LINGO2: variants seen among roughly 807,000 people sequenced by gnomAD.
LINGO2 encodes leucine rich repeat and Ig domain containing 2.
In LINGO2, 14 loss-of-function variants were observed where a neutral mutation model predicts 30.6. The ratio of observed to expected loss-of-function variants is 0.46; its 90% CI spans 0.30 to 0.72. The LOEUF (loss-of-function observed/expected upper bound fraction) is 0.72, where lower values mean the gene tolerates loss of function less well. Among genes scored for constraint, LINGO2 ranks in the 30% least tolerant of loss-of-function variants. The pLI is 0.07. For synonymous variants in LINGO2, 317 were observed against 288.5 expected (o/e 1.10, Z -1.00); for missense variants, 729 against 751.7 (o/e 0.97, Z 0.35).
chr9:28,041,003 G>A (rs1025490603), intron 4 of LINGO2, among the ~76,000 whole-genome samples: 1 of 152,172 alleles, frequency 6.6e-6, no homozygotes, highest in Non-Finnish European at 1.5e-5. Context: ...CTATAGCAGA[G>A]AGGACTTCAT....
chr9:28,561,780 T>TATATATAA (rs1823096229), intron 1 of LINGO2, among the ~76,000 whole-genome samples: 1 of 107,610 alleles, frequency 9.3e-6, no homozygotes, highest in East Asian at 2.2e-4. Flanking sequence ...TATATATATA[T>TATATATAA]AAAAAATATG....
intron 3 of LINGO2, among the ~76,000 whole-genome samples, chr9:28,349,605 T>C (rs1819763533): frequency 7.3e-6 from 1 of 136,816 alleles, no homozygotes; most frequent in African/African-American, 2.8e-5. Context: ...ACTTCCCCAA[T>C]CTAGCAAGGC....
intron 4 of LINGO2, among the ~76,000 whole-genome samples, chr9:28,150,303 T>G (rs151009373): frequency 0.012 from 1,797 of 152,310 alleles, 33 homozygotes; most frequent in African/African-American, 0.041. Flanking sequence ...AGTGACAGCC[T>G]TGTGTGTGAT....
chr9:28,397,624 T>C (rs188372320), intron 2 of LINGO2, among the ~76,000 whole-genome samples: 3,006 of 146,252 alleles, frequency 0.021, 50 homozygotes, highest in South Asian at 0.053. Flanking sequence ...CTCAGCTCAC[T>C]GCAAGCTCCA....
At chr9:28,192,843 G>A (rs1385962638) in intron 4 of LINGO2, among the ~76,000 whole-genome samples, 1 of 151,360 alleles carries the variant, frequency 6.6e-6, no homozygotes, top group African/African-American at 2.4e-5. Flanking sequence ...CTATATTTTT[G>A]AAAATACATT....
chr9:27,962,161 T>C (rs563240874), intron 5 of LINGO2, among the ~76,000 whole-genome samples: 1 of 152,322 alleles, frequency 6.6e-6, no homozygotes, highest in South Asian at 2.1e-4. Context: ...ATGTACTTCA[T>C]ACTTTCCAGT....
chr9:28,123,012 T>G (rs1827141204), intron 4 of LINGO2, among the ~76,000 whole-genome samples: 1 of 152,228 alleles, frequency 6.6e-6, no homozygotes, highest in Non-Finnish European at 1.5e-5. Context: ...ATTTGTTGGT[T>G]TTCTATCTTT....
chr9:28,080,712 G>A (rs1301523279), intron 4 of LINGO2: 1 of 152,178 alleles, frequency 6.6e-6, no homozygotes, highest in East Asian at 1.9e-4. Context: ...CTGGAACAGA[G>A]CATGGCACAT....
At chr9:28,539,398 AT>A (rs1821579104) in intron 1 of LINGO2, among the ~76,000 whole-genome samples, 1 of 152,170 alleles carries the variant, frequency 6.6e-6, no homozygotes, top group African/African-American at 2.4e-5. Flanking sequence ...AGTTAATACA[AT>A]TCTCTTCATA....
chr9:28,814,684 G>A, the LINGO2 span, among the ~76,000 whole-genome samples: 5 of 152,130 alleles, frequency 3.3e-5, no homozygotes, highest in African/African-American at 7.2e-5. Context: ...TCAGGAGTTC[G>A]AGACCAGCCT....
the LINGO2 span, among the ~76,000 whole-genome samples, chr9:29,092,206 G>A: frequency 6.6e-6 from 1 of 151,910 alleles, no homozygotes; most frequent in Non-Finnish European, 1.5e-5. Flanking sequence ...GACAGACTGA[G>A]CAATATATCA....
chr9:28,787,482 A>T, the LINGO2 span, among the ~76,000 whole-genome samples: 1 of 152,192 alleles, frequency 6.6e-6, no homozygotes, highest in African/African-American at 2.4e-5. Context: ...ATTCAGAGAA[A>T]AACCTATTTC....
At chr9:28,235,112 G>C (rs1275167510) in intron 4 of LINGO2, among the ~76,000 whole-genome samples, 1 of 152,042 alleles carries the variant, frequency 6.6e-6, no homozygotes, top group African/African-American at 2.4e-5. Context: ...CAGAGTCCCA[G>C]TGGTGGTGGC....
At chr9:28,617,164 T>C (rs1199195115) in intron 1 of LINGO2, among the ~76,000 whole-genome samples, 1 of 152,170 alleles carries the variant, frequency 6.6e-6, no homozygotes, top group Non-Finnish European at 1.5e-5. Context: ...AAACCATCTT[T>C]TCACACCTTT....
At chr9:28,726,821 A>G in the LINGO2 span, among the ~76,000 whole-genome samples, 16 of 152,290 alleles carry the variant, frequency 1.1e-4, 1 homozygote, top group East Asian at 3.1e-3. Context: ...GGAAAGTCAT[A>G]TATTTGTTAT....
chr9:28,148,266 C>A lies in LINGO2; in HGVS notation c.-86-135861G>T. The A allele has an allele frequency of 6.5e-6, 5 of 769,638 alleles. No homozygotes were observed. Among genetic ancestry groups the A allele is most frequent in the Non-Finnish European group, 1.1e-5 (5 of 469,630 alleles). 47.7% of individuals were successfully genotyped at this position (769,638 alleles called of 1,614,324 possible). A position where few individuals can be genotyped will look rare whatever the true frequency, so the allele number is the denominator to read the frequency against. ...GGCACCCCACAGAGGGTCCTGTCTC[C>A]TGTGGTCTGGAGCCCCGCCTCAAGG... On this transcript the variant is annotated intron_variant, in intron 4 of 5. Transcript: ENST00000379992. The surrounding 1 kb of genome is among the most constrained non-coding windows in gnomAD (Gnocchi z 5.1).
chr9:28,936,301 G>A, the LINGO2 span, among the ~76,000 whole-genome samples: 1 of 152,162 alleles, frequency 6.6e-6, no homozygotes, highest in Admixed American at 6.5e-5. Context: ...TTTTGAAAGG[G>A]TGTTGTGGTG....
the LINGO2 span, among the ~76,000 whole-genome samples, chr9:29,055,903 T>C: frequency 0.041 from 6,213 of 150,368 alleles, 233 homozygotes; most frequent in Admixed American, 0.081. Context: ...TTTGTTCCTT[T>C]TTATGGCCGA....
intron 3 of LINGO2, among the ~76,000 whole-genome samples, chr9:28,360,657 C>T (rs1564149243): frequency 6.6e-6 from 1 of 152,166 alleles, no homozygotes; most frequent in South Asian, 2.1e-4. Context: ...CATGTATATG[C>T]CATTTTCCTT....
Sources: allele counts gnomAD v4.1 joint callset (sites outside exome capture counted in the v4.1 genomes callset), GRCh38; gene constraint gnomAD v4.1.1; non-coding constraint Gnocchi (gnomAD v3.1); transcripts MANE v1.5; gene names NCBI Gene and HGNC (gene_info 2026-07-23, HGNC 2026-07-21).